The following PHKA2 variants were observed in gnomAD, a reference collection of about 807,000 sequenced individuals.
PHKA2 encodes phosphorylase kinase regulatory subunit alpha 2.
In PHKA2, 31 loss-of-function variants were observed where a neutral mutation model predicts 102.0. The observed-to-expected ratio is 0.30, with a 90% CI of 0.23 to 0.41. The LOEUF is 0.41. Among genes scored for constraint, PHKA2 ranks in the 10% least tolerant of loss-of-function variants. The pLI is 1.00. For synonymous variants in PHKA2, 455 were observed against 416.2 expected (o/e 1.09, Z -1.13); for missense variants, 858 against 1,023.1 (o/e 0.84, Z 2.20).
At position 18,919,092 on chromosome X, in the gene PHKA2, A is replaced by G. The variant is rs6633170; in HGVS notation, c.1964-238T>C. On this transcript the variant is annotated intron_variant, in intron 18 of 32. Coordinates refer to ENST00000379942, the MANE Select transcript of PHKA2 (RefSeq NM_000292.3). The stretch of plus-strand genomic sequence containing the variant: ...TTTATCCCAGGAAAAAAAAACTACC[A>G]GTCAAGATAGTGTTTACATCTCGTC... Among the ~76,000 whole-genome samples the G allele has an allele frequency of 0.38, 41,867 of 110,489 alleles. 9,520 individuals carry two copies. Among genetic ancestry groups the G allele is most frequent in the African/African-American group, 0.86 (25,770 of 30,095 alleles).
chrX:18,967,524 G>A (rs942464502), intron 1 of PHKA2, among the ~76,000 whole-genome samples: 18 of 109,061 alleles, frequency 1.7e-4, no homozygotes, highest in Non-Finnish European at 2.9e-4. Context: ...TGAGGGTGGT[G>A]ACAATGAATA....
rs866868746 is a variant in PHKA2 at position 18,903,110 on chromosome X, G to A, written c.2909-1507C>T. The stretch of plus-strand genomic sequence containing the variant: ...CAAAACAGTACCATCACATACATAC[G>A]TATAGATACAGAAACATGAGATGGA... On this transcript the variant is annotated intron_variant, in intron 26 of 32. Coordinates refer to ENST00000379942, the MANE Select transcript of PHKA2 (RefSeq NM_000292.3). Among the ~76,000 whole-genome samples, 88 of 111,262 alleles carry A rather than the reference G, an allele frequency of 7.9e-4. 1 individual carries two copies. Among genetic ancestry groups the A allele is most frequent in the African/African-American group, 2.7e-3 (81 of 30,505 alleles).
intron 10 of PHKA2, among the ~76,000 whole-genome samples, chrX:18,937,897 G>A (rs926055170): frequency 8.9e-6 from 1 of 112,307 alleles, no homozygotes. Context: ...TGAGGAGGCT[G>A]TTACATGAAG....
intron 26 of PHKA2, 126 bp downstream of exon 26, chrX:18,905,632 G>C (rs1295871141): frequency 3.5e-6 from 2 of 564,610 alleles, no homozygotes; most frequent in Non-Finnish European, 6.4e-6. Context: ...CTAGGACTCT[G>C]TCCATCTCCT....
intron 1 of PHKA2, among the ~76,000 whole-genome samples, chrX:18,978,592 A>C (rs773412957): frequency 9.0e-6 from 1 of 110,859 alleles, no homozygotes; most frequent in African/African-American, 3.3e-5. Flanking sequence ...ACATGCCTGT[A>C]GTCCCAGCTA....
At chrX:18,902,150 T>A (rs1322994746) in intron 26 of PHKA2, among the ~76,000 whole-genome samples, 3 of 109,504 alleles carry the variant, frequency 2.7e-5, no homozygotes, top group Middle Eastern at 4.8e-3. Flanking sequence ...CATGTTTTTT[T>A]ATTTTTTTTG....
chrX:18,978,621 G>T (rs1205899551), intron 1 of PHKA2, among the ~76,000 whole-genome samples: 2 of 111,008 alleles, frequency 1.8e-5, no homozygotes, highest in Admixed American at 1.9e-4. Flanking sequence ...GCTGAGGCAG[G>T]AGAATCGCTT....
intron 11 of PHKA2, among the ~76,000 whole-genome samples, chrX:18,932,262 G>T (rs920214716): frequency 8.9e-6 from 1 of 112,171 alleles, no homozygotes; most frequent in African/African-American, 3.2e-5. Flanking sequence ...TCAAAAAGCT[G>T]AACCCACTGG....
At chrX:18,929,697 A>C (rs2048281213) in intron 12 of PHKA2, among the ~76,000 whole-genome samples, 1 of 111,680 alleles carries the variant, frequency 9.0e-6, no homozygotes, top group Non-Finnish European at 1.9e-5. Flanking sequence ...CCCAAAACAA[A>C]GACCTCAGCA....
At position 18,906,756 on chromosome X, in the gene PHKA2, T is replaced by C; in HGVS notation, c.2656A>G (p.Ser886Gly). Residue 886 changes from serine to glycine, a missense_variant, in exon 24 of 33, where the codon AGC (serine) becomes GGC (glycine). Physicochemically the swap from Ser to Gly is moderately conservative, Grantham distance 56. Around this residue, in one of 2 missense-constraint regions of PHKA2, gnomAD observed 671 missense variants for 745.2 expected, o/e 0.90. Coordinates refer to ENST00000379942, the MANE Select transcript of PHKA2 (RefSeq NM_000292.3). The part of the protein sequence containing the change: ...LIYEASGQDI[S>G]IAVLTQEIVV... ...CAGACCTGCGTGAGGACGGCAATGCTGATGTCCTGCCCACTGGCCTCGTAG... is the reference window on the plus strand; with the variant it reads ...CAGACCTGCGTGAGGACGGCAATGCCGATGTCCTGCCCACTGGCCTCGTAG... The C allele has an allele frequency of 8.3e-7, 1 of 1,211,063 alleles. No individual in the cohort carries two copies. The highest frequency in any genetic ancestry group is 1.1e-6 in the Non-Finnish European group (1 of 894,611).
At chrX:18,919,778 G>C (rs1322194904) in intron 18 of PHKA2, among the ~76,000 whole-genome samples, 1 of 100,506 alleles carries the variant, frequency 9.9e-6, no homozygotes, top group Non-Finnish European at 2.0e-5. Context: ...AAGAAAAAAA[G>C]TCCCCATTCC....
intron 26 of PHKA2, among the ~76,000 whole-genome samples, chrX:18,902,282 T>C (rs1294979946): frequency 9.1e-6 from 1 of 109,408 alleles, no homozygotes; most frequent in Non-Finnish European, 1.9e-5. Context: ...ACCACAGGTG[T>C]GCGCCACCAT....
At chrX:18,901,346 T>G in intron 27 of PHKA2, 139 bp downstream of exon 27, 1 of 543,190 alleles carries the variant, frequency 1.8e-6, no homozygotes, top group Non-Finnish European at 3.3e-6. Flanking sequence ...AGGGGTGTGT[T>G]CAGATCCCAG....
chrX:18,903,968 C>T (rs1306472820), intron 26 of PHKA2, among the ~76,000 whole-genome samples: 3 of 112,000 alleles, frequency 2.7e-5, no homozygotes, highest in East Asian at 2.8e-4. Flanking sequence ...CCACCTGCAC[C>T]GCACTGGGCA....
At position 18,905,782 on chromosome X, in the gene PHKA2, TC is replaced by T; in HGVS notation, c.2883del (p.Glu963SerfsTer41). On this transcript the variant is annotated frameshift_variant, in exon 26 of 33. Transcript: ENST00000379942. LOFTEE classifies it high-confidence loss of function. ...MKNLLHHILS[G>X]KEFGVERSVR... ...CCACTTCTTTCAACGCCAAACTCTT[TC>T]CCACTTAGAATATGGTGCAGGAGAT... 8.3e-7 allele frequency: 1 copy of T among 1,205,855 alleles called. No homozygotes were observed. Among genetic ancestry groups the T allele is most frequent in the Non-Finnish European group, 1.1e-6 (1 of 889,932 alleles).
In PHKA2 at chrX:18,924,105, C is replaced by T; in HGVS notation, c.1744G>A (p.Val582Met). The T allele has an allele frequency of 8.3e-7, 1 of 1,204,226 alleles. No homozygotes were observed. Among genetic ancestry groups the T allele is most frequent in the Non-Finnish European group, 1.1e-6 (1 of 888,516 alleles). ...TNDGSDIHSAVLSTIRKLEDG... is the reference protein window; with the variant it reads ...TNDGSDIHSAMLSTIRKLEDG... Reference sequence around the variant, plus strand: ...TCTAGTTTTCTAATTGTGGAGAGCACAGCAGAATGAATGTCTGAGCCATCA... The same window carrying T: ...TCTAGTTTTCTAATTGTGGAGAGCATAGCAGAATGAATGTCTGAGCCATCA... Residue 582 changes from valine (V) to methionine (M), a missense_variant, in exon 17 of 33, where the codon GTG (valine) becomes ATG (methionine). By Grantham distance (21) the Val-to-Met change is conservative. This residue lies in a region of PHKA2 where 671 missense variants were observed against 745.2 expected (regional missense o/e 0.90). Transcript: ENST00000379942.
chrX:18,941,586 T>C lies in PHKA2; in HGVS notation c.807A>G (p.Ala269=). 2 of 1,197,681 alleles carry C rather than the reference T, an allele frequency of 1.7e-6. No homozygotes were observed. Among genetic ancestry groups the C allele is most frequent in the Non-Finnish European group, 2.3e-6 (2 of 882,449 alleles). The change falls in exon 8 of 33, where the codon GCA becomes GCG. Residue 269 remains alanine, a synonymous_variant. Coordinates refer to ENST00000379942, the MANE Select transcript of PHKA2 (RefSeq NM_000292.3). ...LLSIISFPAF[A]VEDVNLVNVT... ...CATTTACAAGGTTTACATCTTCCAC[T>C]GCAAAGGCCGGGAAGGAAATAATGG... is the stretch of plus-strand genomic sequence containing the variant.
chrX:18,979,557 A>C (rs995251176), intron 1 of PHKA2, among the ~76,000 whole-genome samples: 1 of 111,955 alleles, frequency 8.9e-6, no homozygotes, highest in African/African-American at 3.2e-5. Flanking sequence ...ACAATCTAAG[A>C]ATTTCTTTTA....
rs185659284 is a variant in PHKA2, at chrX:18,963,982, C to G, written c.79-9570G>C. 6.7e-3 allele frequency among the ~76,000 whole-genome samples: 743 copies of G among 110,551 alleles called. 1 individual carries two copies. Among genetic ancestry groups the G allele is most frequent in the South Asian group, 0.014 (37 of 2,559 alleles). The stretch of plus-strand genomic sequence containing the variant: ...GAAAGGGTGGTCACAGAAAGACCAC[C>G]CTTTCTGTGTCTCTAGGTCACAGAC... On this transcript the variant is annotated intron_variant, in intron 1 of 32. Transcript: ENST00000379942.
Sources: allele counts gnomAD v4.1 joint callset (sites outside exome capture counted in the v4.1 genomes callset), GRCh38; gene constraint gnomAD v4.1.1; regional missense constraint gnomAD v4.1.1; transcripts MANE v1.5; gene names NCBI Gene and HGNC (gene_info 2026-07-23, HGNC 2026-07-21).